The following KANSL1 variants were observed in gnomAD, a reference collection of about 807,000 sequenced individuals.
KANSL1 encodes the protein KAT8 regulatory NSL complex subunit 1.
In KANSL1, 22 loss-of-function variants were observed where a neutral mutation model predicts 103.6. The observed-to-expected ratio is 0.21, with a 90% CI of 0.15 to 0.30. The LOEUF (loss-of-function observed/expected upper bound fraction) is 0.30. KANSL1 is among the 10% of genes least tolerant of loss of function. The pLI is 1.00. For synonymous variants in KANSL1, 600 were observed against 527.6 expected (o/e 1.14, Z -1.88); for missense variants, 1,337 against 1,399.8 (o/e 0.96, Z 0.72).
At chr17:46,126,998 A>G (rs1281240478) in intron 2 of KANSL1, among the ~76,000 whole-genome samples, 4 of 152,252 alleles carry the variant, frequency 2.6e-5, no homozygotes, top group Non-Finnish European at 4.4e-5. Flanking sequence ...CAGGAAATTC[A>G]ACAGGTAATT....
chr17:46,195,253 T>C (rs1157561109), upstream of KANSL1, among the ~76,000 whole-genome samples: 1 of 152,258 alleles, frequency 6.6e-6, no homozygotes, highest in South Asian at 2.1e-4. Context: ...TATACTTAAA[T>C]ATTAAATTCA....
chr17:46,205,621 C>T (rs1311633004), intron 1 of KANSL1, among the ~76,000 whole-genome samples: 1 of 140,794 alleles, frequency 7.1e-6, no homozygotes, highest in Non-Finnish European at 1.5e-5. Context: ...GCGGAGGTTG[C>T]AATGAGCCGA....
At chr17:46,147,231 G>A (rs183137168) in intron 2 of KANSL1, among the ~76,000 whole-genome samples, 10 of 152,238 alleles carry the variant, frequency 6.6e-5, no homozygotes, top group African/African-American at 2.2e-4. Flanking sequence ...TATGTATTTC[G>A]TATTACTGGT....
chr17:46,064,637 T>C (rs1410322584), intron 6 of KANSL1, among the ~76,000 whole-genome samples: 2 of 152,092 alleles, frequency 1.3e-5, no homozygotes, highest in Non-Finnish European at 2.9e-5. Context: ...CTCCTCCTCC[T>C]CCCTCTCCAA....
Position 46,158,609 on chromosome 17 carries a change from C to T in KANSL1, c.1289+12246G>A, listed in dbSNP as rs574512061. Among the ~76,000 whole-genome samples the T allele has an allele frequency of 1.1e-4, 17 of 152,224 alleles. 1 individual carries two copies. The highest frequency in any genetic ancestry group is 2.5e-4 in the Non-Finnish European group (17 of 68,050). ...AGGCTGGAGTGCAGTGGAGCAATCTCAGCTCACTGTAACCTCCACCACCTG... is the reference window on the plus strand; with the variant it reads ...AGGCTGGAGTGCAGTGGAGCAATCTTAGCTCACTGTAACCTCCACCACCTG... On this transcript the variant is annotated intron_variant, in intron 2 of 14. Coordinates refer to ENST00000432791, the MANE Select transcript of KANSL1 (RefSeq NM_015443.4).
chr17:46,034,251 G>A lies in KANSL1; in HGVS notation c.2576C>T (p.Ser859Leu). The change falls in exon 11 of 15, where the codon TCA (serine) becomes TTA (leucine). Residue 859 changes from serine to leucine, a missense_variant. Coordinates refer to ENST00000432791, the MANE Select transcript of KANSL1 (RefSeq NM_015443.4). ...GATGACAATGTTGTTAATATCAAATGAGCTCTCTCCCCTTCTCCTCCTTAC... is the reference window on the plus strand; with the variant it reads ...GATGACAATGTTGTTAATATCAAATAAGCTCTCTCCCCTTCTCCTCCTTAC... ...QPVRRRRGES[S>L]FDINNIVIPM... The A allele has an allele frequency of 6.2e-7, 1 of 1,614,008 alleles. No individual in the cohort carries two copies.
chr17:46,057,402 A>C (rs1233389533), intron 6 of KANSL1, among the ~76,000 whole-genome samples: 5 of 152,220 alleles, frequency 3.3e-5, no homozygotes, highest in Non-Finnish European at 5.9e-5. Flanking sequence ...ACCTCAGGGT[A>C]AACAAATAGT....
chr17:46,117,573 C>A (rs914676332), intron 2 of KANSL1, among the ~76,000 whole-genome samples: 41 of 152,256 alleles, frequency 2.7e-4, no homozygotes, highest in African/African-American at 9.4e-4. Flanking sequence ...CAGCAGTAAC[C>A]ATGTGCATGC....
chr17:46,032,367 A>G (rs1290985566), intron 13 of KANSL1, 68 bp from the exon 14 acceptor site: 2 of 1,379,200 alleles, frequency 1.5e-6, no homozygotes, highest in Non-Finnish European at 1.9e-6. Context: ...AGGGCATGAA[A>G]AAAGCATCCC....
chr17:46,129,797 G>A (rs2043758068), intron 2 of KANSL1, among the ~76,000 whole-genome samples: 1 of 152,120 alleles, frequency 6.6e-6, no homozygotes, highest in African/African-American at 2.4e-5. Context: ...AGAGGGTAGG[G>A]GTGGGGGTGG....
intron 1 of KANSL1, among the ~76,000 whole-genome samples, chr17:46,202,925 C>T (rs1265393987): frequency 1.3e-5 from 2 of 152,210 alleles, no homozygotes; most frequent in Non-Finnish European, 2.9e-5. Context: ...GAAACTGTAT[C>T]TTCTTTGGTA....
At chr17:46,095,715 C>T (rs1243584068) in intron 2 of KANSL1, among the ~76,000 whole-genome samples, 2 of 152,094 alleles carry the variant, frequency 1.3e-5, no homozygotes, top group Non-Finnish European at 2.9e-5. Context: ...TTTCAACATA[C>T]AATAGAAAAT....
At chr17:46,130,111 A>G (rs1301740260) in intron 2 of KANSL1, among the ~76,000 whole-genome samples, 1 of 150,840 alleles carries the variant, frequency 6.6e-6, no homozygotes, top group Non-Finnish European at 1.5e-5. Flanking sequence ...ACTTGTGCCC[A>G]GAAAGGTAGA....
At chr17:46,086,684 C>T (rs916989633) in intron 3 of KANSL1, among the ~76,000 whole-genome samples, 4 of 152,130 alleles carry the variant, frequency 2.6e-5, no homozygotes, top group South Asian at 2.1e-4. Flanking sequence ...TTGGTCGTGA[C>T]GGCTCATGCC....
At chr17:46,190,926 A>G (rs1046356976) in intron 1 of KANSL1, among the ~76,000 whole-genome samples, 1 of 152,258 alleles carries the variant, frequency 6.6e-6, no homozygotes. Flanking sequence ...CACTGCACAT[A>G]TCACATGACA....
At chr17:46,082,844 C>T (rs1248782660) in intron 3 of KANSL1, among the ~76,000 whole-genome samples, 1 of 152,054 alleles carries the variant, frequency 6.6e-6, no homozygotes, top group Non-Finnish European at 1.5e-5. Context: ...GGCATTTATA[C>T]CATATTACTA....
chr17:46,165,024 T>C (rs558036892), intron 2 of KANSL1, among the ~76,000 whole-genome samples: 1 of 152,282 alleles, frequency 6.6e-6, no homozygotes, highest in East Asian at 1.9e-4. Flanking sequence ...GGAAGATCAC[T>C]TGAACCTGGG....
chr17:46,198,233 T>C (rs1180745941), upstream of KANSL1, among the ~76,000 whole-genome samples: 1 of 152,170 alleles, frequency 6.6e-6, no homozygotes, highest in South Asian at 2.1e-4. Context: ...AAAGTACGTA[T>C]TCTGCTCTGT....
intron 1 of KANSL1, among the ~76,000 whole-genome samples, chr17:46,178,573 TA>T (rs1226742925): frequency 6.6e-6 from 1 of 152,218 alleles, no homozygotes; most frequent in Non-Finnish European, 1.5e-5. Context: ...CTTGTACAGA[TA>T]AAAGAAAAGG....
Sources: gnomAD v4.1 joint callset for allele counts (sites outside exome capture counted in the v4.1 genomes callset) on GRCh38, gnomAD v4.1.1 for gene constraint, MANE v1.5 for transcripts, NCBI Gene and HGNC (gene_info 2026-07-23, HGNC 2026-07-21) for gene names.